AGK: variants seen among roughly 807,000 people sequenced by gnomAD.
The protein encoded by AGK is acylglycerol kinase, also known as acylglycerol kinase, mitochondrial.
A neutral mutation model predicts 66.4 loss-of-function variants in AGK; 52 were observed. The observed-to-expected ratio is 0.78, with a 90% CI of 0.63 to 0.99. The LOEUF is 0.99. AGK is among the 50% of genes least tolerant of loss of function. The pLI is 0.00. For synonymous variants in AGK, 182 were observed against 181.1 expected (o/e 1.00, Z -0.04); for missense variants, 451 against 506.6 (o/e 0.89, Z 1.05).
At chr7:141,633,850 G>T (rs760306674) in intron 9 of AGK, 51 bp from the exon 10 acceptor site, 2 of 1,495,302 alleles carry the variant, frequency 1.3e-6, no homozygotes, top group Admixed American at 1.7e-5. Flanking sequence ...GATGTAAAGA[G>T]TTCTGAGTGA....
chr7:141,554,299 C>T (rs1443372277), intron 1 of AGK, among the ~76,000 whole-genome samples: 1 of 149,684 alleles, frequency 6.7e-6, no homozygotes, highest in African/African-American at 2.5e-5. Context: ...ATGATTGTGC[C>T]ACTGGACTCC....
intron 5 of AGK, among the ~76,000 whole-genome samples, chr7:141,603,488 T>C (rs1796385270): frequency 6.6e-6 from 1 of 152,218 alleles, no homozygotes; most frequent in Non-Finnish European, 1.5e-5. Context: ...GGTATCATTT[T>C]TATATCCCTT....
intron 2 of AGK, among the ~76,000 whole-genome samples, chr7:141,580,169 A>T (rs1795850476): frequency 6.6e-6 from 1 of 152,016 alleles, no homozygotes; most frequent in Non-Finnish European, 1.5e-5. Context: ...TATGGAAGGC[A>T]TATTTAGAGT....
chr7:141,631,189 A>C (rs969038212), intron 9 of AGK, among the ~76,000 whole-genome samples: 2 of 152,196 alleles, frequency 1.3e-5, no homozygotes, highest in African/African-American at 4.8e-5. Flanking sequence ...AATTTTTACT[A>C]TTGGCCACTC....
intron 14 of AGK, chr7:141,650,703 A>G (rs1429011185): frequency 1.7e-5 from 17 of 984,180 alleles, no homozygotes; most frequent in African/African-American, 3.5e-5. Flanking sequence ...ATAGTCACTC[A>G]GTCAAGGTAG....
intron 2 of AGK, among the ~76,000 whole-genome samples, chr7:141,591,007 T>A (rs1253738160): frequency 6.0e-5 from 9 of 150,696 alleles, no homozygotes; most frequent in Non-Finnish European, 3.0e-5. Context: ...CTCCTGAAAA[T>A]CTTTGTTATC....
chr7:141,629,890 C>T (rs1436813783), intron 9 of AGK, among the ~76,000 whole-genome samples: 5 of 152,018 alleles, frequency 3.3e-5, no homozygotes, highest in African/African-American at 1.2e-4. Flanking sequence ...ACAGCATTTA[C>T]CAAGAAATAT....
intron 15 of AGK, 104 bp from the exon 16 acceptor site, chr7:141,652,683 A>T: frequency 8.2e-7 from 1 of 1,221,078 alleles, no homozygotes; most frequent in Non-Finnish European, 1.2e-6. Flanking sequence ...TCAAGAGAGG[A>T]TGTTGTTTTC....
At chr7:141,615,893 T>G (rs1304762391) in intron 8 of AGK, 1 of 227,084 alleles carries the variant, frequency 4.4e-6, no homozygotes, top group African/African-American at 2.3e-5. Context: ...TGCTGCTCAT[T>G]TGTTTGCTTT....
At chr7:141,637,783 A>G (rs986326353) in intron 11 of AGK, among the ~76,000 whole-genome samples, 2 of 152,202 alleles carry the variant, frequency 1.3e-5, no homozygotes, top group Non-Finnish European at 2.9e-5. Flanking sequence ...TAAAAGTAAT[A>G]CATGTTCCTT....
At chr7:141,561,261 C>T (rs1283608938) in intron 2 of AGK, among the ~76,000 whole-genome samples, 1 of 152,068 alleles carries the variant, frequency 6.6e-6, no homozygotes, top group South Asian at 2.1e-4. Context: ...CATATAATGA[C>T]TTATTTTCCT....
intron 11 of AGK, among the ~76,000 whole-genome samples, chr7:141,639,029 T>G (rs1435775846): frequency 6.6e-6 from 1 of 152,064 alleles, no homozygotes; most frequent in Non-Finnish European, 1.5e-5. Flanking sequence ...CAAAAATGAC[T>G]GAGAAGTGCT....
At chr7:141,552,627 G>A (rs188224993) in intron 1 of AGK, among the ~76,000 whole-genome samples, 121 of 152,298 alleles carry the variant, frequency 7.9e-4, no homozygotes, top group African/African-American at 2.7e-3. Flanking sequence ...ACACACTGCC[G>A]CAAAATATGA....
In AGK at chr7:141,602,173, T is replaced by TGTGTGTGTGTGTG. The variant is rs1587114560; in HGVS notation, c.297+893_297+894insGTGTGTGTGTGTG. Among the ~76,000 whole-genome samples, 860 of 125,354 alleles carry TGTGTGTGTGTGTG rather than the reference T, an allele frequency of 6.9e-3. 23 individuals are homozygous for TGTGTGTGTGTGTG. Among genetic ancestry groups the TGTGTGTGTGTGTG allele is most frequent in the African/African-American group, 0.02 (702 of 35,274 alleles). 82.2% of individuals were successfully genotyped at this position (125,354 alleles called of 152,430 possible). A position where few individuals can be genotyped will look rare whatever the true frequency, so the allele number is the denominator to read the frequency against. On this transcript the variant is annotated intron_variant, in intron 5 of 15. Coordinates refer to ENST00000649286, the MANE Select transcript of AGK (RefSeq NM_018238.4). ...GAGCTTTCCTTGAGGGGAGATTTTC[T>TGTGTGTGTGTGTG]TGTGTGTGTGTGTGTGTGTGTGTGT... is the stretch of plus-strand genomic sequence containing the variant.
intron 1 of AGK, among the ~76,000 whole-genome samples, chr7:141,551,924 C>A (rs928036430): frequency 6.6e-6 from 1 of 152,202 alleles, no homozygotes; most frequent in Non-Finnish European, 1.5e-5. Flanking sequence ...CACCTGGATA[C>A]TCCACAGGCG....
intron 2 of AGK, among the ~76,000 whole-genome samples, chr7:141,565,845 T>C (rs1795456662): frequency 6.6e-6 from 1 of 152,196 alleles, no homozygotes; most frequent in Non-Finnish European, 1.5e-5. Flanking sequence ...GCCTCCTCAC[T>C]GTTCTGGCAC....
intron 2 of AGK, among the ~76,000 whole-genome samples, chr7:141,583,374 C>T (rs1400894068): frequency 6.7e-6 from 1 of 148,834 alleles, no homozygotes; most frequent in Non-Finnish European, 1.5e-5. Context: ...GTGCTTGCCC[C>T]CCAGGAAAGT....
intron 2 of AGK, among the ~76,000 whole-genome samples, chr7:141,572,814 A>G (rs936020626): frequency 2.6e-5 from 4 of 151,982 alleles, no homozygotes; most frequent in Non-Finnish European, 2.9e-5. Flanking sequence ...GGGGGGGGGA[A>G]ATGTGTTGGA....
At chr7:141,601,338 C>T in intron 5 of AGK, 58 bp downstream of exon 5, 1 of 1,331,228 alleles carries the variant, frequency 7.5e-7, no homozygotes, top group Middle Eastern at 1.8e-4. Context: ...ATAACAACCT[C>T]TTCTCTTGGC....
Sources: gnomAD v4.1 joint callset for allele counts (sites outside exome capture counted in the v4.1 genomes callset) on GRCh38, gnomAD v4.1.1 for gene constraint, MANE v1.5 for transcripts, NCBI Gene and HGNC (gene_info 2026-07-23, HGNC 2026-07-21) for gene names.